The following ERBB4 variants were observed in gnomAD, a reference collection of about 807,000 sequenced individuals.
ERBB4 encodes the protein receptor tyrosine-protein kinase erbB-4.
ERBB4 carries 42 observed loss-of-function variants against 158.0 expected under a neutral mutation model. That is an observed-to-expected ratio of 0.27 (90% CI 0.21 to 0.34). The LOEUF (loss-of-function observed/expected upper bound fraction) is 0.34. ERBB4 is among the 10% of genes least tolerant of loss of function. The pLI, the probability that ERBB4 is intolerant of heterozygous loss-of-function variation, is 1.00. For synonymous variants in ERBB4, 583 were observed against 558.7 expected, an observed-to-expected ratio of 1.04 and a Z score of -0.61; for missense variants, 1,333 against 1,624.1, an observed-to-expected ratio of 0.82 and a Z score of 3.08.
At chr2:211,647,544 C>T (rs2070820590) in intron 16 of ERBB4, among the ~76,000 whole-genome samples, 1 of 151,556 alleles carries the variant, frequency 6.6e-6, no homozygotes, top group African/African-American at 2.4e-5. Flanking sequence ...TAATGTTACC[C>T]CCATCCATCC....
intron 2 of ERBB4, among the ~76,000 whole-genome samples, chr2:211,996,338 T>C (rs1175254007): frequency 1.3e-5 from 2 of 152,128 alleles, no homozygotes; most frequent in African/African-American, 2.4e-5. Context: ...CATTAGTCTT[T>C]AGTAACTATT....
intron 3 of ERBB4, among the ~76,000 whole-genome samples, chr2:211,923,032 A>T (rs1406446607): frequency 6.6e-6 from 1 of 152,138 alleles, no homozygotes; most frequent in East Asian, 1.9e-4. Context: ...TTAAAATAGA[A>T]TATATGTCAG....
intron 4 of ERBB4, among the ~76,000 whole-genome samples, chr2:211,761,072 G>T (rs969691571): frequency 7.3e-5 from 11 of 151,436 alleles, no homozygotes; most frequent in African/African-American, 2.7e-4. Context: ...GCGCGTGCCT[G>T]TAATCCTAGC....
chr2:211,492,513 T>A (rs1410617790), intron 20 of ERBB4, among the ~76,000 whole-genome samples: 1 of 152,124 alleles, frequency 6.6e-6, no homozygotes, highest in Non-Finnish European at 1.5e-5. Flanking sequence ...GTATTTTGCA[T>A]AAATACTCTC....
chr2:211,467,069 A>C (rs2064712652), intron 20 of ERBB4, among the ~76,000 whole-genome samples: 1 of 152,122 alleles, frequency 6.6e-6, no homozygotes, highest in Non-Finnish European at 1.5e-5. Context: ...CATGTTAGTA[A>C]TTATTCTAAA....
In ERBB4 at chr2:211,818,331, T is replaced by C. The variant is rs142778322; in HGVS notation, c.422-30172A>G. On this transcript the variant is annotated intron_variant, in intron 3 of 27. Transcript: ENST00000342788. The stretch of plus-strand genomic sequence containing the variant: ...TGCATTGCTGATATAACAAACACAG[T>C]TTCCACCATCTGTCTAATGAGAGAT... 4.4e-3 allele frequency among the ~76,000 whole-genome samples: 670 copies of C among 152,208 alleles called. 17 individuals carry two copies. Among genetic ancestry groups the C allele is most frequent in the Admixed American group, 0.041 (624 of 15,274 alleles).
intron 1 of ERBB4, among the ~76,000 whole-genome samples, chr2:212,516,821 G>T (rs553539045): frequency 6.6e-6 from 1 of 152,118 alleles, no homozygotes; most frequent in African/African-American, 2.4e-5. Context: ...CTTGGTCTTT[G>T]TCTTTGTACA....
At chr2:211,439,660 A>G (rs535130132) in intron 20 of ERBB4, among the ~76,000 whole-genome samples, 1 of 152,210 alleles carries the variant, frequency 6.6e-6, no homozygotes, top group Non-Finnish European at 1.5e-5. Context: ...ACCTCTCTGT[A>G]CATCAATTTC....
rs1340492361 is a variant in ERBB4, at chr2:212,194,210, AAG to A, written c.83-69309_83-69308del. 1.1e-4 allele frequency among the ~76,000 whole-genome samples: 17 copies of A among 151,912 alleles called. No individual in the cohort carries two copies. In the South Asian group the frequency reaches 2.9e-3, roughly 26 times the overall value. On this transcript the variant is annotated intron_variant, in intron 1 of 27. Transcript: ENST00000342788. The stretch of plus-strand genomic sequence containing the variant: ...GGACAGAATAGAACAAAGGTAGAGA[AAG>A]AGAGATGTTAGGAAAAGGGAGAGAA...
chr2:212,276,418 C>T (rs978360783), intron 1 of ERBB4, among the ~76,000 whole-genome samples: 2 of 151,698 alleles, frequency 1.3e-5, no homozygotes, highest in African/African-American at 4.8e-5. Context: ...GCTGGTGTGC[C>T]TTTTGGAAAG....
intron 1 of ERBB4, among the ~76,000 whole-genome samples, chr2:212,494,357 C>T (rs1690443288): frequency 6.6e-6 from 1 of 151,998 alleles, no homozygotes; most frequent in African/African-American, 2.4e-5. Context: ...CACAGAAAGA[C>T]TCCATAGATA....
chr2:212,202,565 C>A (rs2082619266), intron 1 of ERBB4, among the ~76,000 whole-genome samples: 1 of 151,850 alleles, frequency 6.6e-6, no homozygotes, highest in South Asian at 2.1e-4. Flanking sequence ...GGTCTTGAAT[C>A]CCTAGGTTCA....
chr2:211,838,656 C>T (rs76552031), intron 3 of ERBB4, among the ~76,000 whole-genome samples: 1,604 of 152,164 alleles, frequency 0.011, 29 homozygotes, highest in African/African-American at 0.036. Flanking sequence ...GTAAAATTGG[C>T]ATTATATTGT....
chr2:211,986,325 A>G (rs1390192343), intron 2 of ERBB4, among the ~76,000 whole-genome samples: 1 of 152,220 alleles, frequency 6.6e-6, no homozygotes, highest in East Asian at 1.9e-4. Flanking sequence ...GGAAATGAAT[A>G]TACTATCCAA....
chr2:212,114,774 A>G (rs567024915), intron 2 of ERBB4, among the ~76,000 whole-genome samples: 17 of 152,232 alleles, frequency 1.1e-4, no homozygotes, highest in Admixed American at 5.9e-4. Context: ...TTGACTTGCA[A>G]TTTTACCTCT....
At chr2:211,754,483 CCTCTGCCTCCCAGGTTCAAGCAATT>C (rs2075240100) in intron 4 of ERBB4, among the ~76,000 whole-genome samples, 1 of 150,566 alleles carries the variant, frequency 6.6e-6, no homozygotes, top group Non-Finnish European at 1.5e-5. Flanking sequence ...CTCACTGCAA[CCTCTGCCTCCCAGGTTCAAGCAATT>C]CTCTGCCTCA....
intron 1 of ERBB4, among the ~76,000 whole-genome samples, chr2:212,305,186 T>G (rs905224063): frequency 5.9e-5 from 9 of 151,510 alleles, no homozygotes; most frequent in Non-Finnish European, 1.3e-4. Context: ...TTTGTACATT[T>G]AGCAGAACCA....
intron 2 of ERBB4, among the ~76,000 whole-genome samples, chr2:211,953,053 C>T (rs541911471): frequency 1.3e-5 from 2 of 152,056 alleles, no homozygotes; most frequent in South Asian, 2.1e-4. Flanking sequence ...GACTCTGGCG[C>T]TGAACATTTA....
chr2:211,552,317 C>T (rs536600815), intron 20 of ERBB4, among the ~76,000 whole-genome samples: 26 of 151,980 alleles, frequency 1.7e-4, no homozygotes, highest in Non-Finnish European at 3.8e-4. Flanking sequence ...TAGAATCAGT[C>T]TGTTTGCAAA....
Sources: allele counts gnomAD v4.1 joint callset (sites outside exome capture counted in the v4.1 genomes callset), GRCh38; gene constraint gnomAD v4.1.1; transcripts MANE v1.5; gene names NCBI Gene and HGNC (gene_info 2026-07-23, HGNC 2026-07-21).